ARHGEF10L: variants seen among roughly 807,000 people sequenced by gnomAD.
The protein encoded by ARHGEF10L is Rho guanine nucleotide exchange factor 10 like, also known as rho guanine nucleotide exchange factor 10-like protein.
In ARHGEF10L, 69 loss-of-function variants were observed where a neutral mutation model predicts 141.2. That is an observed-to-expected ratio of 0.49 (90% confidence interval 0.40 to 0.60). The LOEUF (loss-of-function observed/expected upper bound fraction) is 0.60, where lower values mean the gene tolerates loss of function less well. Ranked by LOEUF, ARHGEF10L falls within the 20% of genes least tolerant of loss-of-function variation. ARHGEF10L has a pLI of 0.00. For missense variants in ARHGEF10L, 1,482 were observed against 1,734.3 expected (o/e 0.85, Z 2.58); for synonymous variants, 711 against 718.5 (o/e 0.99, Z 0.17).
chr1:17,653,611 G>T lies in ARHGEF10L; in HGVS notation c.2395-1025G>T, dbSNP rs149466309. 2.3e-3 allele frequency among the ~76,000 whole-genome samples: 357 copies of T among 152,372 alleles called. 1 individual carries two copies. The highest frequency in any genetic ancestry group is 4.2e-3 in the Non-Finnish European group (284 of 68,040). Reference sequence around the variant, plus strand: ...GAGGCCGGGCTTAGCGAAGCCCCCTGCTCTGAATGTGAGGACACACTTTTT... The same window carrying T: ...GAGGCCGGGCTTAGCGAAGCCCCCTTCTCTGAATGTGAGGACACACTTTTT... On this transcript the variant is annotated intron_variant, in intron 22 of 28. Coordinates refer to ENST00000361221, the MANE Select transcript of ARHGEF10L (RefSeq NM_018125.4).
intron 15 of ARHGEF10L, among the ~76,000 whole-genome samples, chr1:17,631,522 G>A (rs1273689262): frequency 6.6e-6 from 1 of 152,216 alleles, no homozygotes; most frequent in African/African-American, 2.4e-5. Context: ...GGTGCAGGAT[G>A]GGGTCCCCTG....
At chr1:17,691,206 T>C (rs1056990333) in intron 27 of ARHGEF10L, 2 of 437,064 alleles carry the variant, frequency 4.6e-6, no homozygotes, top group East Asian at 7.1e-5. Context: ...AGTTGAACAC[T>C]GCCGCATTAA....
At chr1:17,565,299 A>G (rs1319185644) in intron 1 of ARHGEF10L, among the ~76,000 whole-genome samples, 1 of 152,198 alleles carries the variant, frequency 6.6e-6, no homozygotes, top group South Asian at 2.1e-4. Context: ...TAGGAATTTT[A>G]GGGGGATAAA....
intron 4 of ARHGEF10L, among the ~76,000 whole-genome samples, chr1:17,597,827 G>C (rs1192757221): frequency 6.6e-6 from 1 of 152,162 alleles, no homozygotes; most frequent in African/African-American, 2.4e-5. Context: ...GCGAGGAGGA[G>C]CCTCCCCCTG....
chr1:17,580,582 C>T lies in ARHGEF10L; in HGVS notation c.-14C>T, dbSNP rs1167155461. On this transcript the variant is annotated 5_prime_UTR_variant, in exon 2 of 29. Transcript: ENST00000361221. ...GTAGCTGGGACGGTGCTGGTCTGAG[C>T]TGGACCTTGTCTGATGGCTTCCTCC... 9 of 1,614,202 alleles carry T rather than the reference C, an allele frequency of 5.6e-6. No individual in the cohort carries two copies. Among genetic ancestry groups the T allele is most frequent in the Non-Finnish European group, 7.6e-6 (9 of 1,180,032 alleles).
intron 6 of ARHGEF10L, among the ~76,000 whole-genome samples, chr1:17,604,304 G>A (rs11583246): frequency 0.041 from 6,260 of 152,130 alleles, 425 homozygotes; most frequent in African/African-American, 0.14. Context: ...GTGGCATTTT[G>A]TGACAGATGA....
At chr1:17,526,367 C>G in the ARHGEF10L span, among the ~76,000 whole-genome samples, 3 of 152,308 alleles carry the variant, frequency 2.0e-5, no homozygotes, top group East Asian at 5.8e-4. Context: ...GAGAAGAGGC[C>G]TCCTAAGTCC....
intron 7 of ARHGEF10L, among the ~76,000 whole-genome samples, chr1:17,612,365 C>T (rs1312181178): frequency 6.6e-6 from 1 of 152,228 alleles, no homozygotes. Flanking sequence ...ACTGTCTCTT[C>T]ATCCATCCAT....
At chr1:17,653,510 A>G (rs1292736374) in intron 22 of ARHGEF10L, among the ~76,000 whole-genome samples, 1 of 152,184 alleles carries the variant, frequency 6.6e-6, no homozygotes, top group East Asian at 1.9e-4. Flanking sequence ...GAGCAGAGAG[A>G]GCATCAGCCC....
In ARHGEF10L at chr1:17,551,747, A is replaced by G. The variant is rs148037824; in HGVS notation, c.-44+11797A>G. 6.9e-4 allele frequency among the ~76,000 whole-genome samples: 105 copies of G among 152,134 alleles called. No homozygotes were observed. In the South Asian group the frequency reaches 9.6e-3, roughly 14 times the overall value. On this transcript the variant is annotated intron_variant, in intron 1 of 28. Transcript: ENST00000361221. ...AAATTCTGCTCATTTTTCTCTTCCA[A>G]AAAGATTTCCGAGTCAGAGAGGTTA...
At chr1:17,517,662 T>C in the ARHGEF10L span, among the ~76,000 whole-genome samples, 2 of 152,072 alleles carry the variant, frequency 1.3e-5, no homozygotes, top group Admixed American at 1.3e-4. Flanking sequence ...ATCATTATTA[T>C]TCTTTTCTTT....
chr1:17,674,107 A>G (rs2063493912), intron 26 of ARHGEF10L, among the ~76,000 whole-genome samples: 1 of 152,076 alleles, frequency 6.6e-6, no homozygotes, highest in Non-Finnish European at 1.5e-5. Context: ...TCCTCTCTGT[A>G]TTGTCCTGCA....
chr1:17,640,724 C>T (rs1163743139), intron 21 of ARHGEF10L, among the ~76,000 whole-genome samples: 3 of 152,140 alleles, frequency 2.0e-5, no homozygotes, highest in Admixed American at 6.5e-5. Flanking sequence ...TAAAAGGATG[C>T]GTTTTATGGT....
chr1:17,579,449 CT>C (rs1348111398), intron 1 of ARHGEF10L, among the ~76,000 whole-genome samples: 2 of 152,200 alleles, frequency 1.3e-5, no homozygotes, highest in Non-Finnish European at 2.9e-5. Context: ...CTCTTCCTAG[CT>C]GTGTGATCTT....
At chr1:17,588,411 G>A (rs2079214742) in intron 3 of ARHGEF10L, 35 bp from the exon 4 acceptor site, 1 of 1,613,410 alleles carries the variant, frequency 6.2e-7, no homozygotes, top group Non-Finnish European at 8.5e-7. Context: ...CCAGCCTCTG[G>A]CCTGACAGGC....
chr1:17,648,417 G>T (rs1050387564), intron 21 of ARHGEF10L, 137 bp from the exon 22 acceptor site: 38 of 1,091,944 alleles, frequency 3.5e-5, no homozygotes, highest in Non-Finnish European at 4.0e-5. Context: ...AGTCCGGCAG[G>T]AGTAGGGTGG....
Position 17,627,012 on chromosome 1 carries a change from C to T in ARHGEF10L, c.1411-318C>T, listed in dbSNP as rs186564098. On this transcript the variant is annotated intron_variant, in intron 14 of 28. Coordinates refer to ENST00000361221, the MANE Select transcript of ARHGEF10L (RefSeq NM_018125.4). The surrounding 1 kb of genome is among the most constrained non-coding windows in gnomAD (Gnocchi z 4.0). ...ACATTTTGTTTACGCGTTAGTCTGTCGACGGACATTTTTGCCTCCACATTT... is the reference window on the plus strand; with the variant it reads ...ACATTTTGTTTACGCGTTAGTCTGTTGACGGACATTTTTGCCTCCACATTT... Among the ~76,000 whole-genome samples the T allele has an allele frequency of 1.3e-5, 2 of 152,222 alleles. No homozygotes were observed. The highest frequency in any genetic ancestry group is 2.9e-5 in the Non-Finnish European group (2 of 68,034).
chr1:17,586,292 T>G (rs2079018413), intron 2 of ARHGEF10L, among the ~76,000 whole-genome samples: 1 of 152,206 alleles, frequency 6.6e-6, no homozygotes, highest in African/African-American at 2.4e-5. Context: ...AGTGACTTGC[T>G]CAGAACCACA....
intron 10 of ARHGEF10L, among the ~76,000 whole-genome samples, chr1:17,620,635 G>A (rs1044421218): frequency 6.6e-6 from 1 of 152,170 alleles, no homozygotes; most frequent in Non-Finnish European, 1.5e-5. Flanking sequence ...AGAGCCTGCT[G>A]GAGGCAGGAG....
Sources: gnomAD v4.1 joint callset for allele counts (sites outside exome capture counted in the v4.1 genomes callset) on GRCh38, gnomAD v4.1.1 for gene constraint, Gnocchi (gnomAD v3.1) non-coding constraint, MANE v1.5 for transcripts, NCBI Gene and HGNC (gene_info 2026-07-23, HGNC 2026-07-21) for gene names.